CFH: variants seen among roughly 807,000 people sequenced by gnomAD.
The protein encoded by CFH is H factor 1 (complement).
Under a neutral mutation model 147.3 loss-of-function variants are expected in CFH, and 53 were observed. The ratio of observed to expected loss-of-function variants is 0.36; its 90% confidence interval spans 0.29 to 0.45. CFH has a LOEUF of 0.45. Ranked by LOEUF, CFH falls within the 20% of genes least tolerant of loss-of-function variation. The probability of loss-of-function intolerance (pLI) is 1.00; values close to 1 mark genes in which losing one functional copy is unlikely to be tolerated. For synonymous variants in CFH, 536 were observed against 489.4 expected (o/e 1.10, Z -1.26); for missense variants, 1,380 against 1,498.0 (o/e 0.92, Z 1.30).
intron 11 of CFH, among the ~76,000 whole-genome samples, chr1:196,723,899 G>C (rs1222719820): frequency 6.6e-6 from 1 of 152,046 alleles, no homozygotes; most frequent in Non-Finnish European, 1.5e-5. Flanking sequence ...TCCTTTGCGA[G>C]TGACCACAGC....
chr1:196,696,857 C>T (rs1668290252), intron 9 of CFH, among the ~76,000 whole-genome samples: 1 of 152,028 alleles, frequency 6.6e-6, no homozygotes. Flanking sequence ...GCTACATATC[C>T]ACAACCATCT....
At chr1:196,663,207 C>T (rs917278863) in intron 1 of CFH, among the ~76,000 whole-genome samples, 2 of 151,822 alleles carry the variant, frequency 1.3e-5, no homozygotes, top group Admixed American at 6.6e-5. Context: ...AATTCTCTTC[C>T]AACATTGCTC....
intron 1 of CFH, among the ~76,000 whole-genome samples, chr1:196,667,155 G>A (rs887021127): frequency 2.6e-5 from 4 of 152,120 alleles, no homozygotes; most frequent in African/African-American, 9.7e-5. Context: ...TGTATTAATA[G>A]TTTTATGCAA....
chr1:196,703,633 A>G (rs913606522), intron 9 of CFH, among the ~76,000 whole-genome samples: 1 of 152,128 alleles, frequency 6.6e-6, no homozygotes, highest in African/African-American at 2.4e-5. Flanking sequence ...CTCAGAAAAA[A>G]TGCTGATGAG....
In CFH at chr1:196,725,131, C is replaced by T. The variant is rs144976181; in HGVS notation, c.1707C>T (p.Cys569=). The change falls in exon 12 of 22, where the codon TGC becomes TGT. Residue 569 remains cysteine (C), a synonymous_variant. Coordinates refer to ENST00000367429, the MANE Select transcript of CFH (RefSeq NM_000186.4). The part of the protein sequence containing the change: ...SDLPICYERE[C]ELPKIDVHLV... ...TTTACCTTTTTCAAGAAAGAGAATG[C>T]GAACTTCCTAAAATAGATGTACACT... 414 of 1,612,442 alleles carry T rather than the reference C, an allele frequency of 2.6e-4. No homozygotes were observed. The African/African-American group carries it at 4.0e-3, about 15-fold the overall frequency.
chr1:196,664,463 T>C (rs955482228), intron 1 of CFH, among the ~76,000 whole-genome samples: 5 of 152,170 alleles, frequency 3.3e-5, no homozygotes, highest in African/African-American at 9.7e-5. Flanking sequence ...CAATAAATAT[T>C]TTAGACTTCG....
chr1:196,697,724 T>A (rs987725178), intron 9 of CFH, among the ~76,000 whole-genome samples: 3 of 151,980 alleles, frequency 2.0e-5, no homozygotes, highest in South Asian at 2.1e-4. Flanking sequence ...ATTGCGGCAC[T>A]ATTCACAATA....
At chr1:196,744,207 C>T (rs1374847622) in intron 20 of CFH, among the ~76,000 whole-genome samples, 1 of 151,498 alleles carries the variant, frequency 6.6e-6, no homozygotes, top group Non-Finnish European at 1.5e-5. Flanking sequence ...TTAGACTCTA[C>T]CTATGTTTAT....
chr1:196,695,446 A>C (rs579745), intron 9 of CFH, among the ~76,000 whole-genome samples: 105,019 of 151,904 alleles, frequency 0.69, 37,025 homozygotes, highest in East Asian at 0.95. Flanking sequence ...AGCGTGATGC[A>C]TCAGCTTTGT....
At chr1:196,684,677 A>T (rs773331220) in intron 6 of CFH, among the ~76,000 whole-genome samples, 1 of 152,016 alleles carries the variant, frequency 6.6e-6, no homozygotes, top group Non-Finnish European at 1.5e-5. Context: ...GCGCAGTCCT[A>T]TCAATTGTCC....
chr1:196,689,678 C>A, intron 8 of CFH, 64 bp downstream of exon 8: 1 of 1,546,194 alleles, frequency 6.5e-7, no homozygotes, highest in Non-Finnish European at 8.9e-7. Context: ...GAAAGGAGAG[C>A]ACATAAGTGA....
At chr1:196,712,094 A>G (rs1264543910) in intron 9 of CFH, among the ~76,000 whole-genome samples, 1 of 152,064 alleles carries the variant, frequency 6.6e-6, no homozygotes, top group African/African-American at 2.4e-5. Context: ...GCATAAAGTC[A>G]CTTTGATGAT....
intron 15 of CFH, among the ~76,000 whole-genome samples, chr1:196,733,587 T>C (rs961778977): frequency 2.0e-5 from 3 of 152,102 alleles, no homozygotes; most frequent in African/African-American, 7.2e-5. Flanking sequence ...CTCCTGGAAG[T>C]GCTTACACAC....
At chr1:196,653,956 T>C (rs1368243652) in intron 1 of CFH, among the ~76,000 whole-genome samples, 1 of 152,100 alleles carries the variant, frequency 6.6e-6, no homozygotes, top group Admixed American at 6.5e-5. Context: ...AAAAACTACA[T>C]GAATTTTCAG....
chr1:196,710,057 C>CAA (rs61241581), intron 9 of CFH, among the ~76,000 whole-genome samples: 98,671 of 151,256 alleles, frequency 0.65, 32,894 homozygotes, highest in East Asian at 0.95. Flanking sequence ...CACAGACACA[C>CAA]AGACACACAC....
intron 15 of CFH, among the ~76,000 whole-genome samples, chr1:196,733,557 A>C (rs1669329924): frequency 6.6e-6 from 1 of 152,112 alleles, no homozygotes; most frequent in Admixed American, 6.6e-5. Context: ...TTTTCTCTGC[A>C]CTGCTCTTGG....
chr1:196,655,093 C>G (rs1666640586), intron 1 of CFH, among the ~76,000 whole-genome samples: 1 of 151,122 alleles, frequency 6.6e-6, no homozygotes. Flanking sequence ...GACAAATACA[C>G]TGAATACATA....
chr1:196,707,968 A>G (rs1476593071), intron 9 of CFH, among the ~76,000 whole-genome samples: 1 of 152,190 alleles, frequency 6.6e-6, no homozygotes, highest in African/African-American at 2.4e-5. Context: ...TGCTACCCTT[A>G]TAGACATTAC....
At chr1:196,721,814 CT>C (rs33956114) in intron 11 of CFH, among the ~76,000 whole-genome samples, 2 of 150,624 alleles carry the variant, frequency 1.3e-5, no homozygotes, top group African/African-American at 4.9e-5. Context: ...AACTTCTTGT[CT>C]TTTTTTTCTT....
Sources: gnomAD v4.1 joint callset for allele counts (sites outside exome capture counted in the v4.1 genomes callset) on GRCh38, gnomAD v4.1.1 for gene constraint, MANE v1.5 for transcripts, NCBI Gene and HGNC (gene_info 2026-07-23, HGNC 2026-07-21) for gene names.